The following BRCA2 variants were observed in gnomAD, a reference collection of about 807,000 sequenced individuals.
The protein encoded by BRCA2 is BRCA2 DNA repair associated.
In BRCA2, 203 loss-of-function variants were observed where a neutral mutation model predicts 276.7. That is an observed-to-expected ratio of 0.73 (90% CI 0.65 to 0.82). The LOEUF (loss-of-function observed/expected upper bound fraction) is 0.82. Ranked by LOEUF, BRCA2 falls within the 40% of genes least tolerant of loss-of-function variation. BRCA2 has a pLI of 0.00. For synonymous variants in BRCA2, 1,289 were observed against 1,338.4 expected, an observed-to-expected ratio of 0.96 and a Z score of 0.81; for missense variants, 3,920 against 3,915.0, an observed-to-expected ratio of 1.00 and a Z score of -0.03.
chr13:32,333,055 A>G lies in BRCA2; in HGVS notation c.1577A>G (p.Asp526Gly), dbSNP rs1346717702. The G allele has an allele frequency of 6.2e-7, 1 of 1,609,808 alleles. No homozygotes were observed. The highest frequency in any genetic ancestry group is 8.5e-7 in the Non-Finnish European group (1 of 1,179,142). ...FNASFSGHMT[D>G]PNFKKETEAS... is the part of the protein sequence containing the mutation. ...GCAAGTTTTTCAGGTCATATGACTG[A>G]TCCAAACTTTAAAAAAGAAACTGAA... Residue 526 changes from aspartate (D) to glycine (G), a missense_variant, in exon 10 of 27, where the codon GAT becomes GGT. Around this residue, in one of 2 missense-constraint regions of BRCA2, gnomAD observed 3,263 missense variants for 3,156.9 expected, o/e 1.03. Coordinates refer to ENST00000380152, the MANE Select transcript of BRCA2 (RefSeq NM_000059.4).
chr13:32,362,645 C>T lies in BRCA2; in HGVS notation c.7928C>T (p.Ala2643Val), dbSNP rs80359018. ...AMECAFPKEFANRCLSPERVL... is the reference protein window; with the variant it reads ...AMECAFPKEFVNRCLSPERVL... ...GAATGTGCCTTTCCTAAGGAATTTGCTAATAGATGCCTAAGCCCAGAAAGG... is the reference window on the plus strand; with the variant it reads ...GAATGTGCCTTTCCTAAGGAATTTGTTAATAGATGCCTAAGCCCAGAAAGG... Residue 2643 changes from alanine (A) to valine (V), a missense_variant, in exon 17 of 27, where the codon GCT (alanine) becomes GTT (valine). Ala to Val is a moderately conservative substitution (Grantham distance 64). Coordinates refer to ENST00000380152, the MANE Select transcript of BRCA2 (RefSeq NM_000059.4). 2.2e-5 allele frequency: 36 copies of T among 1,614,182 alleles called. No individual in the cohort carries two copies. The highest frequency in any genetic ancestry group is 3.0e-5 in the Non-Finnish European group (35 of 1,180,024).
At chr13:32,378,529 A>G (rs1382704559) in intron 21 of BRCA2, among the ~76,000 whole-genome samples, 1 of 152,210 alleles carries the variant, frequency 6.6e-6, no homozygotes, top group East Asian at 1.9e-4. Context: ...CTCTATACCT[A>G]TATTAAGATA....
intron 2 of BRCA2, among the ~76,000 whole-genome samples, 176 bp downstream of exon 2, chr13:32,316,703 A>G (rs1183769400): frequency 6.6e-6 from 1 of 152,182 alleles, no homozygotes; most frequent in Non-Finnish European, 1.5e-5. Flanking sequence ...CATGATAAAT[A>G]TAGAACGTCT....
intron 20 of BRCA2, chr13:32,375,348 T>G (rs2072863749): frequency 4.4e-6 from 2 of 450,556 alleles, no homozygotes; most frequent in East Asian, 7.0e-5. Context: ...TGCAGTTACT[T>G]CCTCCACTGA....
chr13:32,349,568 C>T (rs963979131), intron 13 of BRCA2, among the ~76,000 whole-genome samples: 1 of 152,036 alleles, frequency 6.6e-6, no homozygotes, highest in African/African-American at 2.4e-5. Flanking sequence ...GGTACGGTGG[C>T]TCACATGGAG....
intron 4 of BRCA2, among the ~76,000 whole-genome samples, chr13:32,325,455 G>A (rs544880308): frequency 6.6e-6 from 1 of 151,950 alleles, no homozygotes; most frequent in African/African-American, 2.4e-5. Context: ...GTGGTGAAAA[G>A]CAGTAAGTCA....
intron 13 of BRCA2, among the ~76,000 whole-genome samples, chr13:32,348,029 A>C (rs1296007159): frequency 2.0e-5 from 3 of 152,164 alleles, no homozygotes; most frequent in Non-Finnish European, 2.9e-5. Context: ...AAACCTACTA[A>C]TATTCTCAGG....
At chr13:32,395,525 TATTTTATCAGTGAGAAAC>T (rs1232929787) in intron 25 of BRCA2, among the ~76,000 whole-genome samples, 1 of 152,252 alleles carries the variant, frequency 6.6e-6, no homozygotes, top group Non-Finnish European at 1.5e-5. Flanking sequence ...ACTGTTTTTC[TATTTTATCAGTGAGAAAC>T]AGGTTAAATG....
At chr13:32,395,859 A>G (rs1457007954) in intron 25 of BRCA2, 1 of 174,488 alleles carries the variant, frequency 5.7e-6, no homozygotes, top group African/African-American at 2.4e-5. Flanking sequence ...ACACTCTGCT[A>G]TATCTAGTTT....
chr13:32,398,608 C>CT lies in BRCA2; in HGVS notation c.10095_10096insT (p.Ser3366Ter), dbSNP rs730881599. The CT allele has an allele frequency of 3.1e-4, 502 of 1,614,162 alleles. 1 individual carries two copies. The highest frequency in any genetic ancestry group is 3.8e-4 in the Non-Finnish European group (450 of 1,180,030). On this transcript the variant is annotated frameshift_variant, in exon 27 of 27. Coordinates refer to ENST00000380152, the MANE Select transcript of BRCA2 (RefSeq NM_000059.4). LOFTEE classifies it low-confidence loss of function (END_TRUNC). Reference sequence around the variant, plus strand: ...CAGGAGAAAAACAATTTATATCTGTCAGTGAATCCACTAGGACTGCTCCCA... The same window carrying CT: ...CAGGAGAAAAACAATTTATATCTGTCTAGTGAATCCACTAGGACTGCTCCCA...
chr13:32,333,631 G>A lies in BRCA2; in HGVS notation c.1909+244G>A, dbSNP rs370805658. ...TTGAGACAGTTTTATTTTAAGTTCC[G>A]GGGTACATGTGCAGGATGTGCAGGT... On this transcript the variant is annotated intron_variant, in intron 10 of 26. Coordinates refer to ENST00000380152, the MANE Select transcript of BRCA2 (RefSeq NM_000059.4). Among the ~76,000 whole-genome samples, 22 of 152,120 alleles carry A rather than the reference G, an allele frequency of 1.4e-4. 1 individual carries two copies. The highest frequency in any genetic ancestry group is 3.9e-4 in the East Asian group (2 of 5,178).
Position 32,344,632 on chromosome 13 carries a change from G to T in BRCA2, c.6916G>T (p.Ala2306Ser), listed in dbSNP as rs730881550. The change falls in exon 12 of 27, where the codon GCT (alanine) becomes TCT (serine). Residue 2306 changes from alanine to serine, a missense_variant. By Grantham distance (99) the Ala-to-Ser change is moderately conservative. Transcript: ENST00000380152. ...IIENQEKSLK[A>S]SKSTPDGTIK... Reference sequence around the variant, plus strand: ...AGAAAATCAAGAAAAATCCTTAAAGGCTTCAAAAAGCACTCCAGATGGTAA... The same window carrying T: ...AGAAAATCAAGAAAAATCCTTAAAGTCTTCAAAAAGCACTCCAGATGGTAA... 2 of 1,574,806 alleles carry T rather than the reference G, an allele frequency of 1.3e-6. No individual in the cohort carries two copies. Among genetic ancestry groups the T allele is most frequent in the Admixed American group, 1.7e-5 (1 of 59,860 alleles).
chr13:32,339,485 T>C lies in BRCA2; in HGVS notation c.5130T>C (p.Tyr1710=). 6.3e-7 allele frequency: 1 copy of C among 1,583,258 alleles called. No individual in the cohort carries two copies. The highest frequency in any genetic ancestry group is 2.2e-5 in the East Asian group (1 of 44,546). ...CAGAAAGAATAAATACTGCAGATTA[T>C]GTAGGAAATTATTTGTATGAAAATA... is the stretch of plus-strand genomic sequence containing the variant. ...GQPERINTAD[Y]VGNYLYENNS... Residue 1710 remains tyrosine (Y), a synonymous_variant, in exon 11 of 27, where the codon TAT becomes TAC. Transcript: ENST00000380152.
chr13:32,352,062 A>G (rs2072656975), intron 13 of BRCA2, among the ~76,000 whole-genome samples: 1 of 152,142 alleles, frequency 6.6e-6, no homozygotes. Context: ...TGGCCTCCCA[A>G]GGTGCTGGGA....
chr13:32,338,141 A>C lies in BRCA2; in HGVS notation c.3786A>C (p.Ser1262=), dbSNP rs1042077901. ...AGGTACATCCAATAAGTTTATCTTC[A>C]AGTAAATGTCATGATTCTGTTGTTT... ...SAEVHPISLS[S]SKCHDSVVSM... The change falls in exon 11 of 27, where the codon TCA becomes TCC. Residue 1262 remains serine (S), a synonymous_variant. Coordinates refer to ENST00000380152, the MANE Select transcript of BRCA2 (RefSeq NM_000059.4). The C allele has an allele frequency of 6.2e-7, 1 of 1,602,940 alleles. No homozygotes were observed.
intron 2 of BRCA2, among the ~76,000 whole-genome samples, chr13:32,318,421 A>C (rs2072278854): frequency 6.6e-6 from 1 of 151,710 alleles, no homozygotes; most frequent in Non-Finnish European, 1.5e-5. Flanking sequence ...AATTTTTTGA[A>C]TTTTATCTGT....
At chr13:32,334,207 C>T (rs2072431979) in intron 10 of BRCA2, among the ~76,000 whole-genome samples, 1 of 152,178 alleles carries the variant, frequency 6.6e-6, no homozygotes, top group South Asian at 2.1e-4. Flanking sequence ...CTGTCTTCCA[C>T]AACGGTTGAA....
intron 16 of BRCA2, among the ~76,000 whole-genome samples, chr13:32,360,155 C>G (rs2072729093): frequency 6.6e-6 from 1 of 152,132 alleles, no homozygotes; most frequent in Non-Finnish European, 1.5e-5. Flanking sequence ...TAGGACTATC[C>G]TAGCAAAAGA....
At chr13:32,394,342 G>A (rs1365522853) in intron 24 of BRCA2, among the ~76,000 whole-genome samples, 2 of 152,218 alleles carry the variant, frequency 1.3e-5, no homozygotes, top group African/African-American at 4.8e-5. Context: ...CAAGAAATGG[G>A]ATTACTGGGT....
Sources: gnomAD v4.1 joint callset for allele counts (sites outside exome capture counted in the v4.1 genomes callset) on GRCh38, gnomAD v4.1.1 for gene constraint, gnomAD v4.1.1 regional missense constraint, MANE v1.5 for transcripts, NCBI Gene and HGNC (gene_info 2026-07-23, HGNC 2026-07-21) for gene names.